The following RELN variants were observed in gnomAD, a reference collection of about 807,000 sequenced individuals.
RELN encodes reelin.
In RELN, 108 loss-of-function variants were observed where a neutral mutation model predicts 427.6. That is an observed-to-expected ratio of 0.25 (90% CI 0.22 to 0.30). RELN has a LOEUF of 0.30. Ranked by LOEUF, RELN falls within the 10% of genes least tolerant of loss-of-function variation. The pLI is 1.00. For synonymous variants in RELN, 1,524 were observed against 1,513.4 expected (o/e 1.01, Z -0.16); for missense variants, 3,715 against 4,302.8 (o/e 0.86, Z 3.82).
At chr7:103,862,409 TTCTATCTATCTATCTATCTA>T (rs66998908) in intron 2 of RELN, among the ~76,000 whole-genome samples, 2,277 of 144,808 alleles carry the variant, frequency 0.016, 29 homozygotes, top group Middle Eastern at 0.11. Context: ...TATGCTTTTG[TTCTATCTATCTATCTATCTA>T]TCTATCTATC....
chr7:103,688,362 C>G (rs1244901730), intron 10 of RELN, among the ~76,000 whole-genome samples: 1 of 152,042 alleles, frequency 6.6e-6, no homozygotes, highest in East Asian at 1.9e-4. Flanking sequence ...ATCTGATTTT[C>G]TCTTATTTGT....
rs1830838573 is a variant in RELN, at chr7:103,569,729, G to A, written c.4588+2455C>T. On this transcript the variant is annotated intron_variant, in intron 31 of 64. Coordinates refer to ENST00000428762, the MANE Select transcript of RELN (RefSeq NM_005045.4). The surrounding 1 kb of genome is among the most constrained non-coding windows in gnomAD (Gnocchi z 4.0). ...GAGAGCCTCTCAGATAAGAATGAGA[G>A]GGTCGAGGAATGCAAGAAAGGCAAA... is the stretch of plus-strand genomic sequence containing the variant. Among the ~76,000 whole-genome samples the A allele has an allele frequency of 6.6e-6, 1 of 152,174 alleles. No homozygotes were observed.
chr7:103,743,621 A>C (rs376648911), intron 6 of RELN, among the ~76,000 whole-genome samples: 7 of 152,166 alleles, frequency 4.6e-5, no homozygotes, highest in Non-Finnish European at 7.4e-5. Context: ...TCGTAGTCTC[A>C]GAAAAAACAG....
intron 10 of RELN, among the ~76,000 whole-genome samples, chr7:103,686,131 C>T (rs1362469186): frequency 1.3e-5 from 2 of 152,178 alleles, no homozygotes; most frequent in South Asian, 2.1e-4. Flanking sequence ...TGACGATATC[C>T]TTTTTGTTGG....
chr7:103,530,228 T>C (rs2237623), intron 46 of RELN, among the ~76,000 whole-genome samples: 20,066 of 152,210 alleles, frequency 0.13, 2,894 homozygotes, highest in African/African-American at 0.36. Flanking sequence ...TTTGCCATAT[T>C]GTCCCTCCTG....
At chr7:103,550,374 AAAACATTC>A (rs1830385519) in intron 41 of RELN, among the ~76,000 whole-genome samples, 1 of 152,220 alleles carries the variant, frequency 6.6e-6, no homozygotes, top group South Asian at 2.1e-4. Context: ...ACTCTGAAAG[AAAACATTC>A]TTAATTCTGA....
At chr7:103,960,192 T>C (rs1209164908) in intron 1 of RELN, among the ~76,000 whole-genome samples, 1 of 152,206 alleles carries the variant, frequency 6.6e-6, no homozygotes, top group Non-Finnish European at 1.5e-5. Flanking sequence ...CATGAGACTC[T>C]ACATTATTGG....
Position 103,653,973 on chromosome 7 carries a change from C to T in RELN, c.1554+120G>A, listed in dbSNP as rs578049824. 3.1e-5 allele frequency: 23 copies of T among 731,588 alleles called. No individual in the cohort carries two copies. In the African/African-American group the frequency reaches 3.8e-4, roughly 12 times the overall value. The allele number at this position is 731,588 out of a possible 1,614,324, so 45.3% of individuals were successfully genotyped here. ...TTCACTTTTAAAGAAACCTGGCGAC[C>T]TCTGGCCTGTCAGAACAGGGATGTA... is the stretch of plus-strand genomic sequence containing the variant. On this transcript the variant is annotated intron_variant, in intron 13 of 64. Coordinates refer to ENST00000428762, the MANE Select transcript of RELN (RefSeq NM_005045.4).
At position 103,503,043 on chromosome 7, in the gene RELN, T is replaced by C; in HGVS notation, c.8462A>G (p.Tyr2821Cys). Reference protein sequence around the residue: ...FPTKGWKRITYPLPESLVGNP... With the variant: ...FPTKGWKRITCPLPESLVGNP... The stretch of plus-strand genomic sequence containing the variant: ...TCCCACTAAGCTTTCAGGAAGTGGG[T>C]AGGTGATCCTTTTCCACCCTTTAGT... The change falls in exon 52 of 65, where the codon TAC becomes TGC. Residue 2821 changes from tyrosine (Y) to cysteine (C), a missense_variant. Physicochemically the swap from Tyr to Cys is radical, Grantham distance 194. Around this residue, in one of 4 missense-constraint regions of RELN, gnomAD observed 1,310 missense variants for 1,643.0 expected, o/e 0.80. Coordinates refer to ENST00000428762, the MANE Select transcript of RELN (RefSeq NM_005045.4). The C allele has an allele frequency of 6.2e-7, 1 of 1,614,106 alleles. No individual in the cohort carries two copies. Among genetic ancestry groups the C allele is most frequent in the Non-Finnish European group, 8.5e-7 (1 of 1,180,004 alleles).
At chr7:103,593,651 T>G in intron 27 of RELN, 31 bp downstream of exon 27, 1 of 1,579,550 alleles carries the variant, frequency 6.3e-7, no homozygotes, top group Non-Finnish European at 8.7e-7. Flanking sequence ...ACTCCTTAAC[T>G]TGCTCTGGGA....
At chr7:103,916,161 C>T (rs1440544738) in intron 2 of RELN, among the ~76,000 whole-genome samples, 1 of 152,170 alleles carries the variant, frequency 6.6e-6, no homozygotes, top group Non-Finnish European at 1.5e-5. Context: ...GTTGCTCTGA[C>T]ATCAGCCAAT....
At chr7:103,806,857 T>C (rs2116327571) in intron 3 of RELN, among the ~76,000 whole-genome samples, 1 of 152,270 alleles carries the variant, frequency 6.6e-6, no homozygotes, top group East Asian at 1.9e-4. Context: ...TCTTCCTTCC[T>C]ATCCTAATAT....
chr7:103,940,588 C>T (rs1466661589), intron 1 of RELN, among the ~76,000 whole-genome samples: 2 of 152,172 alleles, frequency 1.3e-5, no homozygotes, highest in Non-Finnish European at 2.9e-5. Context: ...TGTGGACCCC[C>T]AAGCTCTCAT....
At chr7:103,700,829 T>C in intron 9 of RELN, 81 bp downstream of exon 9, 1 of 861,454 alleles carries the variant, frequency 1.2e-6, no homozygotes, top group East Asian at 2.4e-5. Flanking sequence ...AAGAAAAAGT[T>C]AGTGGTGGAT....
At chr7:103,604,277 C>G (rs1406605187) in intron 23 of RELN, 69 bp downstream of exon 23, 5 of 1,584,234 alleles carry the variant, frequency 3.2e-6, no homozygotes, top group Non-Finnish European at 1.7e-6. Flanking sequence ...CTGATGACAA[C>G]TGCTGTGGTA....
chr7:103,924,654 T>C (rs1016321507), intron 1 of RELN, among the ~76,000 whole-genome samples: 2 of 152,130 alleles, frequency 1.3e-5, no homozygotes, highest in African/African-American at 2.4e-5. Flanking sequence ...TGGAACGCTA[T>C]TATGATATAC....
chr7:103,500,720 G>T lies in RELN; in HGVS notation c.8667+25C>A, dbSNP rs79222798. ...GCATGACCCATGATGTGAGTAATGC[G>T]TCTTGTCCAGGGCTTTACCCTTACC... On this transcript the variant is annotated intron_variant, in intron 53 of 64. Coordinates refer to ENST00000428762, the MANE Select transcript of RELN (RefSeq NM_005045.4). 2.9e-3 allele frequency: 4,688 copies of T among 1,612,944 alleles called. 127 individuals carry two copies. In the African/African-American group the frequency reaches 0.054, roughly 19 times the overall value.
At chr7:103,728,416 G>A (rs1444121355) in intron 6 of RELN, among the ~76,000 whole-genome samples, 2 of 152,148 alleles carry the variant, frequency 1.3e-5, no homozygotes, top group Non-Finnish European at 2.9e-5. Context: ...GTTACTTACA[G>A]TGGTGGGTAA....
intron 51 of RELN, among the ~76,000 whole-genome samples, chr7:103,505,699 C>T (rs550118285): frequency 7.2e-5 from 11 of 152,304 alleles, no homozygotes; most frequent in African/African-American, 2.6e-4. Context: ...GATCACAACT[C>T]CTCGCCAGCA....
Sources: gnomAD v4.1 joint callset for allele counts (sites outside exome capture counted in the v4.1 genomes callset) on GRCh38, gnomAD v4.1.1 for gene constraint, gnomAD v4.1.1 regional missense constraint, Gnocchi (gnomAD v3.1) non-coding constraint, MANE v1.5 for transcripts, NCBI Gene and HGNC (gene_info 2026-07-23, HGNC 2026-07-21) for gene names.